The following CDKN2B-AS1 variants were observed in gnomAD, a reference collection of about 807,000 sequenced individuals.
The protein encoded by CDKN2B-AS1 is CDKN2B and CDKN2A antisense cis and trans regulatory RNA 1, also known as CDKN2B antisense RNA 1 (non-protein coding).
At chr9:22,116,373 T>A (rs1398201615) in intron 4 of CDKN2B-AS1, among the ~76,000 whole-genome samples, 1 of 152,180 alleles carries the variant, frequency 6.6e-6, no homozygotes, top group Non-Finnish European at 1.5e-5. Context: ...ATACATTAAT[T>A]AACAGATAAA....
At chr9:22,041,247 G>C (rs1169668025) in intron 1 of CDKN2B-AS1, among the ~76,000 whole-genome samples, 3 of 152,030 alleles carry the variant, frequency 2.0e-5, no homozygotes, top group Non-Finnish European at 1.5e-5. Flanking sequence ...CTGAAGTGAT[G>C]AGAAGAGCAA....
chr9:22,036,601 CT>C (rs1426885565), intron 1 of CDKN2B-AS1, among the ~76,000 whole-genome samples: 7 of 152,032 alleles, frequency 4.6e-5, no homozygotes, highest in African/African-American at 1.7e-4. Context: ...TTGTATTCCC[CT>C]ATTAATATAT....
intron 1 of CDKN2B-AS1, chr9:22,009,422 G>T: frequency 3.4e-6 from 1 of 296,778 alleles, no homozygotes; most frequent in Non-Finnish European, 6.4e-6. Flanking sequence ...GGCCCGGGCC[G>T]ACGCGTCACG....
At chr9:22,013,452 T>TC (rs1421281685) in intron 1 of CDKN2B-AS1, among the ~76,000 whole-genome samples, 2 of 152,006 alleles carry the variant, frequency 1.3e-5, no homozygotes, top group Non-Finnish European at 2.9e-5. Context: ...TCTCTCTCTC[T>TC]TTTTTTTCTT....
intron 4 of CDKN2B-AS1, among the ~76,000 whole-genome samples, chr9:22,096,886 C>T (rs1825294929): frequency 6.6e-6 from 1 of 152,190 alleles, no homozygotes; most frequent in Admixed American, 6.6e-5. Flanking sequence ...TAACCCTCCC[C>T]ACCCCGCTCA....
chr9:22,100,367 T>C (rs1430982280), intron 4 of CDKN2B-AS1, among the ~76,000 whole-genome samples: 1 of 152,154 alleles, frequency 6.6e-6, no homozygotes, highest in Admixed American at 6.6e-5. Context: ...TTAAAATAGC[T>C]TTGCCTATTT....
At chr9:22,018,260 G>A (rs1182186729) in intron 1 of CDKN2B-AS1, among the ~76,000 whole-genome samples, 1 of 151,838 alleles carries the variant, frequency 6.6e-6, no homozygotes, top group Non-Finnish European at 1.5e-5. Context: ...GGAGGCAGAG[G>A]TTGAGTTTTC....
At chr9:22,117,417 T>C (rs975139440) in intron 4 of CDKN2B-AS1, among the ~76,000 whole-genome samples, 8 of 152,110 alleles carry the variant, frequency 5.3e-5, no homozygotes, top group African/African-American at 1.7e-4. Context: ...GGGGGGAATC[T>C]TAACCTGAAA....
intron 4 of CDKN2B-AS1, among the ~76,000 whole-genome samples, chr9:22,069,012 CTT>C (rs1156434867): frequency 6.6e-6 from 1 of 152,196 alleles, no homozygotes; most frequent in Admixed American, 6.5e-5. Context: ...TTTGCACACT[CTT>C]ATAACCAAGA....
intron 1 of CDKN2B-AS1, among the ~76,000 whole-genome samples, chr9:22,009,997 AT>A (rs1821417998): frequency 1.3e-5 from 2 of 151,858 alleles, no homozygotes; most frequent in Non-Finnish European, 2.9e-5. Flanking sequence ...ACAAAAAAAA[AT>A]TATACTTTAA....
intron 4 of CDKN2B-AS1, among the ~76,000 whole-genome samples, chr9:22,064,542 T>G (rs536880044): frequency 6.6e-6 from 1 of 152,318 alleles, no homozygotes. Context: ...ATGAGGATTA[T>G]AGGAATGGAA....
At chr9:22,042,788 CT>C (rs1822950753) in intron 1 of CDKN2B-AS1, among the ~76,000 whole-genome samples, 1 of 152,088 alleles carries the variant, frequency 6.6e-6, no homozygotes, top group African/African-American at 2.4e-5. Context: ...TCAAAAAAAC[CT>C]TGCGTTCCTG....
At chr9:22,065,361 A>G (rs928164685) in intron 4 of CDKN2B-AS1, among the ~76,000 whole-genome samples, 14 of 152,194 alleles carry the variant, frequency 9.2e-5, no homozygotes, top group Admixed American at 9.2e-4. Flanking sequence ...CTAGTTTTCC[A>G]GGTCTCCCTT....
chr9:22,004,726 T>C (rs1821081114), intron 1 of CDKN2B-AS1: 2 of 233,002 alleles, frequency 8.6e-6, no homozygotes, highest in Admixed American at 1.1e-4. Context: ...CAAGTTTTTA[T>C]ACTCAATCTA....
intron 4 of CDKN2B-AS1, among the ~76,000 whole-genome samples, chr9:22,108,114 T>C (rs972916467): frequency 6.6e-6 from 1 of 152,208 alleles, no homozygotes; most frequent in Non-Finnish European, 1.5e-5. Context: ...ATATATTAGT[T>C]TGGGCCTTCT....
At position 22,110,264 on chromosome 9, in the gene CDKN2B-AS1, A is replaced by T. The variant is rs535553113; in HGVS notation, n.439-16839A>T. Among the ~76,000 whole-genome samples the T allele has an allele frequency of 1.2e-4, 18 of 152,268 alleles. 1 individual carries two copies. The highest frequency in any genetic ancestry group is 4.1e-4 in the African/African-American group (17 of 41,566). ...AAACATCTCATATTTGTCAGTATGA[A>T]CATCCACTGGGTGCCTGTTATTTAA... On this transcript the variant is annotated intron_variant and non_coding_transcript_variant, in intron 4 of 4. Transcript: ENST00000650946.
chr9:22,070,584 C>T (rs1008637401), intron 4 of CDKN2B-AS1, among the ~76,000 whole-genome samples: 4 of 152,070 alleles, frequency 2.6e-5, no homozygotes, highest in East Asian at 1.9e-4. Flanking sequence ...AAGGATAGGG[C>T]GTCCTGGGCA....
In CDKN2B-AS1 at chr9:21,999,774, A is replaced by G. The variant is rs1820843007; in HGVS notation, n.29+4613A>G. Among the ~76,000 whole-genome samples, 1 of 152,128 alleles carries G rather than the reference A, an allele frequency of 6.6e-6. No homozygotes were observed. The highest frequency in any genetic ancestry group is 1.5e-5 in the Non-Finnish European group (1 of 67,988). ...TAGGGCTCATTCATAAAATAATAAA[A>G]CTGTGCATCCATAAACAATAATGAA... On this transcript the variant is annotated intron_variant and non_coding_transcript_variant, in intron 1 of 4. Coordinates refer to ENST00000650946, the Ensembl canonical transcript of CDKN2B-AS1. The surrounding 1 kb of genome is among the most constrained non-coding windows in gnomAD (Gnocchi z 4.7).
chr9:22,043,776 A>G (rs559695335), intron 1 of CDKN2B-AS1, among the ~76,000 whole-genome samples: 30 of 152,134 alleles, frequency 2.0e-4, no homozygotes, highest in African/African-American at 6.7e-4. Context: ...CACTAGGTTG[A>G]TGTGCTAGTT....
Sources: gnomAD v4.1 joint callset for allele counts (sites outside exome capture counted in the v4.1 genomes callset) on GRCh38, gnomAD v4.1.1 for gene constraint, Gnocchi (gnomAD v3.1) non-coding constraint, MANE v1.5 for transcripts, NCBI Gene and HGNC (gene_info 2026-07-23, HGNC 2026-07-21) for gene names.